The following GPC5 variants were observed in gnomAD, a reference collection of about 807,000 sequenced individuals.
GPC5 encodes the protein glypican-5.
In GPC5, 47 loss-of-function variants were observed where a neutral mutation model predicts 53.9. The observed-to-expected ratio is 0.87, with a 90% CI of 0.69 to 1.11. GPC5 has a LOEUF of 1.11. GPC5 is among the 50% of genes most tolerant of loss of function. GPC5 has a pLI of 0.00. For synonymous variants in GPC5, 286 were observed against 263.3 expected (o/e 1.09, Z -0.84); for missense variants, 748 against 713.1 (o/e 1.05, Z -0.56).
chr13:92,398,452 T>A (rs1045491521), intron 7 of GPC5, among the ~76,000 whole-genome samples: 4 of 140,674 alleles, frequency 2.8e-5, no homozygotes, highest in African/African-American at 1.1e-4. Context: ...AAAAAAAAAT[T>A]ATTCCACTCA....
At chr13:92,470,347 G>T (rs191546015) in intron 7 of GPC5, among the ~76,000 whole-genome samples, 1 of 152,168 alleles carries the variant, frequency 6.6e-6, no homozygotes, top group Admixed American at 6.6e-5. Flanking sequence ...AATTGAACAC[G>T]ATATTGACTT....
chr13:92,361,310 T>C (rs1364523964), intron 7 of GPC5, among the ~76,000 whole-genome samples: 2 of 151,738 alleles, frequency 1.3e-5, no homozygotes, highest in African/African-American at 4.9e-5. Flanking sequence ...TCAGAAGACC[T>C]AACTTTGACT....
intron 7 of GPC5, among the ~76,000 whole-genome samples, chr13:92,370,646 C>G (rs2043642660): frequency 6.6e-6 from 1 of 151,852 alleles, no homozygotes; most frequent in Non-Finnish European, 1.5e-5. Flanking sequence ...GTAAATTTTC[C>G]ATTTACTAGG....
At chr13:92,178,833 A>T (rs2042126642) in intron 7 of GPC5, among the ~76,000 whole-genome samples, 1 of 152,010 alleles carries the variant, frequency 6.6e-6, no homozygotes, top group Non-Finnish European at 1.5e-5. Flanking sequence ...AAAATTAGCC[A>T]GGTGTGGTGG....
intron 7 of GPC5, among the ~76,000 whole-genome samples, chr13:92,765,285 A>G (rs986372186): frequency 2.0e-5 from 3 of 152,176 alleles, no homozygotes; most frequent in Admixed American, 6.5e-5. Context: ...ATGGCTGCTT[A>G]ATGTGTCCTT....
At chr13:92,040,186 A>G (rs544419287) in intron 6 of GPC5, among the ~76,000 whole-genome samples, 23 of 152,338 alleles carry the variant, frequency 1.5e-4, no homozygotes, top group Non-Finnish European at 1.9e-4. Flanking sequence ...AAAAAAATCA[A>G]TTCCTAGCCA....
At chr13:91,699,123 A>G (rs1035387733) in intron 3 of GPC5, among the ~76,000 whole-genome samples, 2 of 152,232 alleles carry the variant, frequency 1.3e-5, no homozygotes, top group African/African-American at 4.8e-5. Context: ...TTGGATATGT[A>G]GAGTGTGTTC....
At chr13:91,815,356 A>C (rs761274051) in intron 5 of GPC5, among the ~76,000 whole-genome samples, 1 of 152,088 alleles carries the variant, frequency 6.6e-6, no homozygotes, top group Admixed American at 6.6e-5. Context: ...AAGACAAAGT[A>C]AAGTCAGAGA....
intron 5 of GPC5, among the ~76,000 whole-genome samples, chr13:91,852,406 T>C (rs1388365077): frequency 6.6e-6 from 1 of 151,986 alleles, no homozygotes; most frequent in Non-Finnish European, 1.5e-5. Context: ...TTTCCTATGA[T>C]AATAGTACCT....
At chr13:92,038,339 T>C (rs2040910714) in intron 6 of GPC5, among the ~76,000 whole-genome samples, 1 of 145,498 alleles carries the variant, frequency 6.9e-6, no homozygotes, top group African/African-American at 2.7e-5. Context: ...TTTATGAGCA[T>C]GATCTATGCT....
chr13:92,630,356 A>G (rs181905040), intron 7 of GPC5, among the ~76,000 whole-genome samples: 1 of 152,282 alleles, frequency 6.6e-6, no homozygotes, highest in Admixed American at 6.5e-5. Context: ...TCCTATCTTT[A>G]AAAGATAATG....
At chr13:92,374,010 C>A (rs933524051) in intron 7 of GPC5, among the ~76,000 whole-genome samples, 1 of 152,128 alleles carries the variant, frequency 6.6e-6, no homozygotes. Context: ...TTATAGCATA[C>A]TATTTTGACC....
chr13:92,597,068 TTTTTTAA>T (rs1883905075), intron 7 of GPC5, among the ~76,000 whole-genome samples: 1 of 152,200 alleles, frequency 6.6e-6, no homozygotes, highest in Non-Finnish European at 1.5e-5. Flanking sequence ...ACACTATTTA[TTTTTTAA>T]TTTTTATTTT....
intron 7 of GPC5, among the ~76,000 whole-genome samples, chr13:92,479,428 T>C (rs959261987): frequency 1.2e-4 from 19 of 152,198 alleles, no homozygotes; most frequent in African/African-American, 4.3e-4. Context: ...TCACTGCATG[T>C]AGCTTAACAA....
At chr13:91,430,028 G>A (rs1247204346) in intron 1 of GPC5, among the ~76,000 whole-genome samples, 3 of 152,242 alleles carry the variant, frequency 2.0e-5, no homozygotes, top group Admixed American at 2.0e-4. Context: ...TTAGGGAACA[G>A]GCCAAAATGC....
At chr13:92,247,610 C>T (rs528866090) in intron 7 of GPC5, among the ~76,000 whole-genome samples, 72 of 152,098 alleles carry the variant, frequency 4.7e-4, no homozygotes, top group Non-Finnish European at 6.9e-4. Flanking sequence ...TTGCAATGTA[C>T]ATAATACATA....
At chr13:92,458,392 G>C (rs1026155657) in intron 7 of GPC5, among the ~76,000 whole-genome samples, 5 of 151,912 alleles carry the variant, frequency 3.3e-5, no homozygotes, top group Non-Finnish European at 1.5e-5. Context: ...TCCACATCCC[G>C]GGTTTAAGAT....
intron 7 of GPC5, among the ~76,000 whole-genome samples, chr13:92,613,340 ATTT>A (rs1884512611): frequency 9.6e-6 from 1 of 104,616 alleles, no homozygotes; most frequent in Non-Finnish European, 1.8e-5. Context: ...AATATAATAT[ATTT>A]ATATATAAAT....
intron 7 of GPC5, among the ~76,000 whole-genome samples, chr13:92,245,233 C>G (rs899969724): frequency 6.6e-6 from 1 of 152,040 alleles, no homozygotes; most frequent in Non-Finnish European, 1.5e-5. Context: ...GCATGTTTCA[C>G]TCTCATTTTA....
Sources: allele counts gnomAD v4.1 joint callset (sites outside exome capture counted in the v4.1 genomes callset), GRCh38; gene constraint gnomAD v4.1.1; transcripts MANE v1.5; gene names NCBI Gene and HGNC (gene_info 2026-07-23, HGNC 2026-07-21).